The following SERINC5 variants were observed in gnomAD, a reference collection of about 807,000 sequenced individuals.
SERINC5 encodes serine incorporator 5.
In SERINC5, 41 loss-of-function variants were observed where a neutral mutation model predicts 63.1. That is an observed-to-expected ratio of 0.65 (90% CI 0.51 to 0.84). SERINC5 has a LOEUF of 0.84. SERINC5 is among the 40% of genes least tolerant of loss of function. The pLI is 0.00. For missense variants in SERINC5, 523 were observed against 573.0 expected (o/e 0.91, Z 0.89); for synonymous variants, 222 against 215.2 (o/e 1.03, Z -0.28).
At chr5:80,174,402 TAAAAG>T (rs139741061) in intron 5 of SERINC5, among the ~76,000 whole-genome samples, 44 of 142,962 alleles carry the variant, frequency 3.1e-4, no homozygotes, top group Admixed American at 6.4e-4. Context: ...ATAATAATAA[TAAAAG>T]AAAAAGAAAA....
In SERINC5 at chr5:80,256,005, G is replaced by C. The variant is rs1292909460; in HGVS notation, c.-83C>G. ...TGGCTGCCTCGCGCCTCGAGCGCTG[G>C]GCTCAGCCGCAGCTCACACTTGAAC... On this transcript the variant is annotated 5_prime_UTR_variant, in exon 1 of 12. Transcript: ENST00000507668. The C allele has an allele frequency of 7.4e-7, 1 of 1,348,398 alleles. No individual in the cohort carries two copies. Among genetic ancestry groups the C allele is most frequent in the African/African-American group, 1.5e-5 (1 of 65,120 alleles). The allele number at this position is 1,348,398 out of a possible 1,614,324, so 83.5% of individuals were successfully genotyped here.
chr5:80,138,932 G>A lies in SERINC5; in HGVS notation c.*4731C>T, dbSNP rs1208062240. 2 of 972,994 alleles carry A rather than the reference G, an allele frequency of 2.1e-6. No individual in the cohort carries two copies. The highest frequency in any genetic ancestry group is 2.4e-6 in the Non-Finnish European group (2 of 818,872). 60.3% of individuals were successfully genotyped at this position (972,994 alleles called of 1,614,324 possible). A position where few individuals can be genotyped will look rare whatever the true frequency, so the allele number is the denominator to read the frequency against. On this transcript the variant is annotated 3_prime_UTR_variant, in exon 12 of 12. Coordinates refer to ENST00000507668, the MANE Select transcript of SERINC5 (RefSeq NM_001174072.3). ...TTTTATTAAAGTACAGAGTTAACAA[G>A]TTTTGAGTTTTTTATATAGGAAAAG...
intron 1 of SERINC5, among the ~76,000 whole-genome samples, chr5:80,241,178 TAAA>T (rs1751923592): frequency 6.6e-6 from 1 of 151,898 alleles, no homozygotes; most frequent in South Asian, 2.1e-4. Context: ...TCTTAAGAAA[TAAA>T]AAGGCAAGGC....
intron 5 of SERINC5, among the ~76,000 whole-genome samples, chr5:80,174,369 A>AAATTAAT (rs139914615): frequency 1.5e-5 from 2 of 131,718 alleles, no homozygotes; most frequent in African/African-American, 5.7e-5. Context: ...CCCATCTCAA[A>AAATTAAT]AATAATAATA....
chr5:80,147,390 G>T (rs373519454), intron 9 of SERINC5, 106 bp from the exon 10 acceptor site: 15 of 1,135,028 alleles, frequency 1.3e-5, no homozygotes, highest in East Asian at 1.0e-4. Context: ...CCCTTCAAAA[G>T]ATGTGGACTG....
At chr5:80,233,007 G>C (rs371301964) in intron 1 of SERINC5, among the ~76,000 whole-genome samples, 16 of 152,266 alleles carry the variant, frequency 1.1e-4, no homozygotes, top group African/African-American at 3.9e-4. Context: ...TAAGCATAGA[G>C]GTGACAAAAA....
intron 1 of SERINC5, among the ~76,000 whole-genome samples, chr5:80,229,345 T>A (rs1276011091): frequency 2.0e-5 from 3 of 150,688 alleles, no homozygotes; most frequent in African/African-American, 7.3e-5. Flanking sequence ...TACACAATTT[T>A]TTTTTTTTTT....
chr5:80,256,034 G>T lies in SERINC5; in HGVS notation c.-112C>A, dbSNP rs554698933. 1.3e-5 allele frequency: 15 copies of T among 1,168,116 alleles called. No individual in the cohort carries two copies. The highest frequency in any genetic ancestry group is 1.7e-5 in the South Asian group (1 of 58,528). The allele number at this position is 1,168,116 out of a possible 1,614,324, so 72.4% of individuals were successfully genotyped here. A position where few individuals can be genotyped will look rare whatever the true frequency, so the allele number is the denominator to read the frequency against. On this transcript the variant is annotated 5_prime_UTR_variant, in exon 1 of 12. Coordinates refer to ENST00000507668, the MANE Select transcript of SERINC5 (RefSeq NM_001174072.3). ...CAGCCGCAGCTCACACTTGAACGAA[G>T]ATCAGCCTCGGCGAAGCGCCTAGGC...
chr5:80,172,778 C>T (rs1018086246), intron 5 of SERINC5, among the ~76,000 whole-genome samples: 2 of 152,156 alleles, frequency 1.3e-5, no homozygotes, highest in African/African-American at 4.8e-5. Context: ...AAAAGGTAAA[C>T]ACTGCTGACT....
chr5:80,222,703 G>A (rs1157439913), intron 1 of SERINC5, among the ~76,000 whole-genome samples: 1 of 152,052 alleles, frequency 6.6e-6, no homozygotes, highest in East Asian at 1.9e-4. Context: ...CTCCCAAGTG[G>A]CTGGGATTAC....
chr5:80,143,118 T>C lies in SERINC5; in HGVS notation c.*545A>G. On this transcript the variant is annotated 3_prime_UTR_variant, in exon 12 of 12. Transcript: ENST00000507668. ...TTTAGGGGCCGTGAAGAGGCAGCAC[T>C]GAGGGTGCAGTTGAAAAGCAGGTGC... 1 of 985,484 alleles carries C rather than the reference T, an allele frequency of 1.0e-6. No individual in the cohort carries two copies. Among genetic ancestry groups the C allele is most frequent in the Non-Finnish European group, 1.2e-6 (1 of 830,006 alleles). The allele number at this position is 985,484 out of a possible 1,614,324, so 61.0% of individuals were successfully genotyped here. A position where few individuals can be genotyped will look rare whatever the true frequency, so the allele number is the denominator to read the frequency against.
intron 7 of SERINC5, among the ~76,000 whole-genome samples, chr5:80,166,062 TG>T (rs1164096995): frequency 6.6e-6 from 1 of 152,212 alleles, no homozygotes; most frequent in Non-Finnish European, 1.5e-5. Flanking sequence ...TCATCTAAAA[TG>T]GGGTACCCAT....
At chr5:80,238,354 G>A (rs1298154568) in intron 1 of SERINC5, among the ~76,000 whole-genome samples, 3 of 152,052 alleles carry the variant, frequency 2.0e-5, no homozygotes, top group South Asian at 2.1e-4. Flanking sequence ...CTTAGAAACC[G>A]CTTTCTGTTA....
chr5:80,254,086 C>T (rs894620348), intron 1 of SERINC5, among the ~76,000 whole-genome samples: 1 of 152,170 alleles, frequency 6.6e-6, no homozygotes, highest in Admixed American at 6.6e-5. Flanking sequence ...TCATCACACC[C>T]GGCAATTTTG....
At chr5:80,124,162 C>A (rs931350163) in intron 11 of SERINC5, among the ~76,000 whole-genome samples, 1 of 152,136 alleles carries the variant, frequency 6.6e-6, no homozygotes, top group Non-Finnish European at 1.5e-5. Context: ...TAGCAATGGA[C>A]CCCAAATGGC....
chr5:80,227,688 A>AT (rs1481016644), intron 1 of SERINC5, among the ~76,000 whole-genome samples: 11 of 152,178 alleles, frequency 7.2e-5, no homozygotes, highest in Non-Finnish European at 1.0e-4. Flanking sequence ...TTTGAAAGTT[A>AT]AAAATTCAAA....
rs1201350227 is a variant in SERINC5 at position 80,252,011 on chromosome 5, C to T, written c.27+3885G>A. 4.1e-5 allele frequency among the ~76,000 whole-genome samples: 5 copies of T among 122,032 alleles called. No homozygotes were observed. The Admixed American group carries it at 4.2e-4, about 10-fold the overall frequency. The allele number at this position is 122,032 out of a possible 152,430, so 80.1% of individuals were successfully genotyped here. A position where few individuals can be genotyped will look rare whatever the true frequency, so the allele number is the denominator to read the frequency against. On this transcript the variant is annotated intron_variant, in intron 1 of 11. Transcript: ENST00000507668. ...GTTGTCTAGATTTTCCAAGCACACA[C>T]CTCACTTCCGCTCTGACAGTGAGCA...
rs1745464839 is a variant in SERINC5 at position 80,140,835 on chromosome 5, C to T, written c.*2828G>A. ...TATTCACATGCAGCTTTAAAAAAGT[C>T]CTCTTCAACTGTCATCCCTAAATGT... On this transcript the variant is annotated 3_prime_UTR_variant, in exon 12 of 12. Coordinates refer to ENST00000507668, the MANE Select transcript of SERINC5 (RefSeq NM_001174072.3). The T allele has an allele frequency of 1.0e-6, 1 of 985,346 alleles. No individual in the cohort carries two copies. The highest frequency in any genetic ancestry group is 1.7e-5 in the African/African-American group (1 of 57,304). The allele number at this position is 985,346 out of a possible 1,614,324, so 61.0% of individuals were successfully genotyped here.
intron 2 of SERINC5, among the ~76,000 whole-genome samples, chr5:80,183,682 C>G (rs1056554845): frequency 3.9e-5 from 6 of 152,132 alleles, no homozygotes; most frequent in Non-Finnish European, 7.3e-5. Flanking sequence ...GAAGCTCCCC[C>G]ACTGAGCACC....
Sources: gnomAD v4.1 joint callset for allele counts (sites outside exome capture counted in the v4.1 genomes callset) on GRCh38, gnomAD v4.1.1 for gene constraint, MANE v1.5 for transcripts, NCBI Gene and HGNC (gene_info 2026-07-23, HGNC 2026-07-21) for gene names.